The following NXPE4 variants were observed in gnomAD, a reference collection of about 807,000 sequenced individuals.
NXPE4 encodes NXPE family member 4.
Under a neutral mutation model 33.3 loss-of-function variants are expected in NXPE4, and 42 were observed. The observed-to-expected ratio is 1.26, with a 90% CI of 0.98 to 1.63. The LOEUF (loss-of-function observed/expected upper bound fraction) is 1.63, where lower values mean the gene tolerates loss of function less well. Ranked by LOEUF, NXPE4 falls within the 40% of genes most tolerant of loss-of-function variation. NXPE4 has a pLI of 0.00. For synonymous variants in NXPE4, 253 were observed against 234.9 expected, an observed-to-expected ratio of 1.08 and a Z score of -0.71; for missense variants, 709 against 647.6, an observed-to-expected ratio of 1.09 and a Z score of -1.03.
the NXPE4 span, among the ~76,000 whole-genome samples, chr11:114,624,100 T>C: frequency 6.6e-6 from 1 of 151,412 alleles, no homozygotes. Flanking sequence ...GGATAATAGG[T>C]TTTATGTCGT....
the NXPE4 span, among the ~76,000 whole-genome samples, chr11:114,651,522 G>T: frequency 1.0e-3 from 159 of 152,344 alleles, no homozygotes; most frequent in African/African-American, 3.7e-3. Context: ...CCACAGCATG[G>T]AAGAGAATCC....
At chr11:114,581,884 TA>T in intron 3 of NXPE4, 98 bp from the exon 4 acceptor site, 1 of 824,124 alleles carries the variant, frequency 1.2e-6, no homozygotes, top group East Asian at 2.5e-5. Context: ...TTCTTAGAGA[TA>T]AGTCAATTAT....
At chr11:114,649,701 G>A in the NXPE4 span, among the ~76,000 whole-genome samples, 4 of 152,292 alleles carry the variant, frequency 2.6e-5, no homozygotes, top group African/African-American at 9.6e-5. Context: ...GTAGTAGGAG[G>A]AAATGATCAT....
At chr11:114,571,593 T>G in intron 5 of NXPE4, 120 bp from the exon 6 acceptor site, 1 of 979,732 alleles carries the variant, frequency 1.0e-6, no homozygotes, top group East Asian at 2.4e-5. Context: ...TCTAATTTAT[T>G]ATAGGTTTAG....
At chr11:114,583,363 G>T in intron 2 of NXPE4, 2 of 622,452 alleles carry the variant, frequency 3.2e-6, no homozygotes, top group South Asian at 3.0e-5. Flanking sequence ...GAATCTGCGT[G>T]ACTCATAATT....
At chr11:114,625,596 T>G in the NXPE4 span, among the ~76,000 whole-genome samples, 4 of 152,044 alleles carry the variant, frequency 2.6e-5, no homozygotes, top group African/African-American at 9.7e-5. Flanking sequence ...CACTGTTATC[T>G]GGTGGATAAT....
chr11:114,640,031 T>C, the NXPE4 span, among the ~76,000 whole-genome samples: 1 of 120,426 alleles, frequency 8.3e-6, no homozygotes, highest in Admixed American at 9.7e-5. Flanking sequence ...TAATGTAACA[T>C]AATTATATTA....
At chr11:114,630,824 C>G in the NXPE4 span, among the ~76,000 whole-genome samples, 1 of 151,660 alleles carries the variant, frequency 6.6e-6, no homozygotes, top group Admixed American at 6.6e-5. Context: ...AACAAATTTA[C>G]AAGAAAAAAA....
chr11:114,632,121 TATA>T, the NXPE4 span, among the ~76,000 whole-genome samples: 3 of 144,092 alleles, frequency 2.1e-5, no homozygotes, highest in Middle Eastern at 3.6e-3. Context: ...AATTATATAT[TATA>T]ATAAAATATA....
At chr11:114,629,811 A>T in the NXPE4 span, among the ~76,000 whole-genome samples, 2 of 150,984 alleles carry the variant, frequency 1.3e-5, no homozygotes, top group Non-Finnish European at 1.5e-5. Context: ...CTGATAAGCA[A>T]CTTCAGCAAA....
the NXPE4 span, among the ~76,000 whole-genome samples, chr11:114,657,131 C>T: frequency 1.3e-5 from 2 of 152,046 alleles, no homozygotes; most frequent in Admixed American, 6.6e-5. Flanking sequence ...CTTTTAGTTC[C>T]GGATTGTACT....
chr11:114,592,436 C>T (rs932985461), intron 2 of NXPE4, among the ~76,000 whole-genome samples: 5 of 151,794 alleles, frequency 3.3e-5, no homozygotes, highest in Non-Finnish European at 5.9e-5. Flanking sequence ...GCTACAAAAA[C>T]CCTAGGAATA....
At chr11:114,643,993 G>T in the NXPE4 span, among the ~76,000 whole-genome samples, 1 of 152,034 alleles carries the variant, frequency 6.6e-6, no homozygotes. Context: ...CTTTTAAGTT[G>T]TATTGCTAGG....
the NXPE4 span, among the ~76,000 whole-genome samples, chr11:114,629,734 CCT>C: frequency 2.9e-4 from 44 of 151,636 alleles, 1 homozygote; most frequent in Non-Finnish European, 5.7e-4. Flanking sequence ...TCAAATTGTC[CCT>C]GTTTGCAGAC....
At chr11:114,646,777 T>G in the NXPE4 span, among the ~76,000 whole-genome samples, 2 of 152,224 alleles carry the variant, frequency 1.3e-5, no homozygotes, top group African/African-American at 4.8e-5. Flanking sequence ...TAAAGAGTTT[T>G]CTTTTTAAGC....
chr11:114,624,174 A>C, the NXPE4 span, among the ~76,000 whole-genome samples: 3 of 151,564 alleles, frequency 2.0e-5, no homozygotes, highest in African/African-American at 4.8e-5. Flanking sequence ...GTTATATGGT[A>C]GATAATAACT....
At chr11:114,577,030 T>TATAAAGTTATATATATAC in intron 5 of NXPE4, among the ~76,000 whole-genome samples, 1 of 28,024 alleles carries the variant, frequency 3.6e-5, no homozygotes, top group Non-Finnish European at 6.6e-5. Flanking sequence ...TATATATACA[T>TATAAAGTTATATATATAC]ATATATATAT....
chr11:114,583,334 C>T (rs939859014), intron 2 of NXPE4: 19 of 621,022 alleles, frequency 3.1e-5, no homozygotes, highest in Non-Finnish European at 5.2e-5. Context: ...TGGACAAGCC[C>T]ACCCAAGGAA....
chr11:114,610,439 T>C, the NXPE4 span, among the ~76,000 whole-genome samples: 2 of 151,906 alleles, frequency 1.3e-5, no homozygotes, highest in South Asian at 4.1e-4. Flanking sequence ...GGGTAACCAC[T>C]GTTTCCCGGT....
Sources: gnomAD v4.1 joint callset for allele counts (sites outside exome capture counted in the v4.1 genomes callset) on GRCh38, gnomAD v4.1.1 for gene constraint, MANE v1.5 for transcripts, NCBI Gene and HGNC (gene_info 2026-07-23, HGNC 2026-07-21) for gene names.